SMC2: variants seen among roughly 807,000 people sequenced by gnomAD.
SMC2 encodes the protein structural maintenance of chromosomes 2, also known as structural maintenance of chromosomes protein 2.
In SMC2, 41 loss-of-function variants were observed where a neutral mutation model predicts 142.6. That is an observed-to-expected ratio of 0.29 (90% CI 0.22 to 0.37). The LOEUF is 0.37. SMC2 is among the 10% of genes least tolerant of loss of function. The probability of loss-of-function intolerance (pLI) is 1.00; values close to 1 mark genes in which losing one functional copy is unlikely to be tolerated. For synonymous variants in SMC2, 463 were observed against 457.5 expected (o/e 1.01, Z -0.15); for missense variants, 1,265 against 1,373.7 (o/e 0.92, Z 1.25).
intron 11 of SMC2, among the ~76,000 whole-genome samples, 162 bp from the exon 12 acceptor site, chr9:104,113,798 CTGTT>C (rs1468031319): frequency 3.9e-5 from 6 of 152,072 alleles, no homozygotes; most frequent in South Asian, 2.1e-4. Context: ...GAAATAATGT[CTGTT>C]TGACAGTGGA....
rs1835885499 is a variant in SMC2, at chr9:104,139,467, G to A, written c.*152G>A. 1.2e-5 allele frequency: 7 copies of A among 573,038 alleles called. No homozygotes were observed. The South Asian group carries it at 1.9e-4, about 16-fold the overall frequency. The allele number at this position is 573,038 out of a possible 1,614,324, so 35.5% of individuals were successfully genotyped here. On this transcript the variant is annotated 3_prime_UTR_variant, in exon 25 of 25. Transcript: ENST00000374793. ...ATATAATCACTTATCGCTTACAAATGAGCATATATTCCTCATCTCTTAACT... is the reference window on the plus strand; with the variant it reads ...ATATAATCACTTATCGCTTACAAATAAGCATATATTCCTCATCTCTTAACT...
intron 21 of SMC2, among the ~76,000 whole-genome samples, chr9:104,130,614 A>G (rs1001346618): frequency 6.6e-6 from 1 of 152,158 alleles, no homozygotes; most frequent in Non-Finnish European, 1.5e-5. Context: ...TTTGGCATGA[A>G]TATGCACAAA....
intron 9 of SMC2, among the ~76,000 whole-genome samples, chr9:104,110,013 T>C (rs530764079): frequency 6.6e-6 from 1 of 152,352 alleles, no homozygotes; most frequent in African/African-American, 2.4e-5. Context: ...CTGTTGCTAT[T>C]GTGGTGAGCT....
intron 13 of SMC2, among the ~76,000 whole-genome samples, chr9:104,115,509 A>G (rs984480878): frequency 4.0e-5 from 6 of 150,158 alleles, no homozygotes; most frequent in Non-Finnish European, 8.8e-5. Context: ...TGGGAAGTGG[A>G]GGTTGCGGTA....
At chr9:104,093,007 G>A (rs902730381), upstream of SMC2, 6 of 152,110 alleles carry the variant, frequency 3.9e-5, no homozygotes, top group Non-Finnish European at 7.3e-5. Flanking sequence ...AGAGCCAGAA[G>A]GTGCTATCCA....
intron 5 of SMC2, 40 bp downstream of exon 5, chr9:104,099,722 A>C: frequency 8.4e-7 from 1 of 1,191,700 alleles, no homozygotes; most frequent in South Asian, 1.3e-5. Flanking sequence ...TAGTTGGTAT[A>C]GATATTACTT....
rs201809856 is a variant in SMC2, at chr9:104,100,231, G to A, written c.591+28G>A. The stretch of plus-strand genomic sequence containing the variant: ...AATTTAATTCATATAAAATATTTTC[G>A]GAGAAGAATGTAATTTTGCATGTAG... On this transcript the variant is annotated intron_variant, in intron 6 of 24. Transcript: ENST00000374793. 9.3e-5 allele frequency: 137 copies of A among 1,471,028 alleles called. No homozygotes were observed. In the East Asian group the frequency reaches 1.3e-3, roughly 14 times the overall value. The allele number at this position is 1,471,028 out of a possible 1,614,324, so 91.1% of individuals were successfully genotyped here.
At position 104,119,885 on chromosome 9, in the gene SMC2, G is replaced by A. The variant is rs144035567; in HGVS notation, c.1997-142G>A. 891 of 789,742 alleles carry A rather than the reference G, an allele frequency of 1.1e-3. 11 individuals are homozygous for A. In the African/African-American group the frequency reaches 0.015, roughly 13 times the overall value. 48.9% of individuals were successfully genotyped at this position (789,742 alleles called of 1,614,324 possible). ...CTCTGTGTTCTAAGGTTCAGGTGAT[G>A]GAATGAATTCCATGGCTTCATAAGC... On this transcript the variant is annotated intron_variant, in intron 15 of 24. Coordinates refer to ENST00000374793, the MANE Select transcript of SMC2 (RefSeq NM_006444.3).
At position 104,109,849 on chromosome 9, in the gene SMC2, A is replaced by G. The variant is rs138097316; in HGVS notation, c.1021-1732A>G. ...ACCATAAAATATACAAAAATCTATT[A>G]TAAAAAGTTAAAATTTATCAAAACA... On this transcript the variant is annotated intron_variant, in intron 9 of 24. Transcript: ENST00000374793. 2.6e-5 allele frequency among the ~76,000 whole-genome samples: 4 copies of G among 152,344 alleles called. No homozygotes were observed. The East Asian group carries it at 7.7e-4, about 29-fold the overall frequency.
rs542508854 is a variant in SMC2, at chr9:104,100,239, A to C, written c.591+36A>C. The C allele has an allele frequency of 6.1e-6, 9 of 1,469,412 alleles. No homozygotes were observed. The East Asian group carries it at 1.6e-4, about 27-fold the overall frequency. 91.0% of individuals were successfully genotyped at this position (1,469,412 alleles called of 1,614,324 possible). ...TCATATAAAATATTTTCGGAGAAGA[A>C]TGTAATTTTGCATGTAGAGTTTTTG... is the stretch of plus-strand genomic sequence containing the variant. On this transcript the variant is annotated intron_variant, in intron 6 of 24. Coordinates refer to ENST00000374793, the MANE Select transcript of SMC2 (RefSeq NM_006444.3).
At chr9:104,124,414 A>G (rs928525901) in intron 17 of SMC2, among the ~76,000 whole-genome samples, 7 of 151,974 alleles carry the variant, frequency 4.6e-5, no homozygotes, top group African/African-American at 1.7e-4. Flanking sequence ...AGATTTGGGG[A>G]TGTTTTTCCT....
chr9:104,130,736 T>C (rs1834872195), intron 21 of SMC2, among the ~76,000 whole-genome samples: 1 of 152,178 alleles, frequency 6.6e-6, no homozygotes, highest in Admixed American at 6.5e-5. Flanking sequence ...CAATATGTGA[T>C]ATATTTGTAG....
intron 1 of SMC2, chr9:104,094,948 C>T (rs1401842094): frequency 5.9e-6 from 1 of 170,658 alleles, no homozygotes; most frequent in Non-Finnish European, 1.3e-5. Context: ...AGTAAGGTGA[C>T]ATTTGAGCAA....
At chr9:104,134,655 G>A in intron 23 of SMC2, 80 bp downstream of exon 23, 1 of 975,360 alleles carries the variant, frequency 1.0e-6, no homozygotes. Context: ...CTGTATTTGT[G>A]TTTTAACTAC....
At chr9:104,132,492 A>G (rs545445164) in intron 22 of SMC2, among the ~76,000 whole-genome samples, 1 of 152,184 alleles carries the variant, frequency 6.6e-6, no homozygotes, top group East Asian at 1.9e-4. Context: ...CTCCTATAGG[A>G]TAATTCCTTA....
chr9:104,092,349 G>C (rs1290600390), upstream of SMC2: 12 of 152,238 alleles, frequency 7.9e-5, no homozygotes, highest in Admixed American at 7.9e-4. Flanking sequence ...TGTGACGTAA[G>C]TGTATCAGCT....
intron 10 of SMC2, among the ~76,000 whole-genome samples, chr9:104,113,114 T>C (rs1269005655): frequency 2.0e-5 from 3 of 152,166 alleles, no homozygotes; most frequent in Non-Finnish European, 4.4e-5. Context: ...ATTAATCATA[T>C]ATTAGTTTAT....
rs1833363834 is a variant in SMC2, at chr9:104,118,376, G to GTAAGT, written c.1996+3_1996+7dup. 6.2e-7 allele frequency: 1 copy of GTAAGT among 1,609,796 alleles called. No homozygotes were observed. Among genetic ancestry groups the GTAAGT allele is most frequent in the East Asian group, 2.2e-5 (1 of 44,772 alleles). On this transcript the variant is annotated splice_donor_variant, in intron 15 of 24. Transcript: ENST00000374793. LOFTEE classifies it high-confidence loss of function. ...GATCCTCATGGGACATTGAGTGGAGGTAAGTTTTATATCCTTTTCTCCTCA... is the reference window on the plus strand; with the variant it reads ...GATCCTCATGGGACATTGAGTGGAGGTAAGTTAAGTTTTATATCCTTTTCTCCTCA...
Position 104,111,655 on chromosome 9 carries a change from A to G in SMC2, c.1095A>G (p.Ala365=). ...ATGGACTGCATGCCCTTCAAGAAGC[A>G]AGTAATAAAGATGCTGAAGCTCTGG... ...ITDGLHALQE[A]SNKDAEALAA... The change falls in exon 10 of 25, where the codon GCA becomes GCG. Residue 365 remains alanine, a synonymous_variant. Coordinates refer to ENST00000374793, the MANE Select transcript of SMC2 (RefSeq NM_006444.3). The G allele has an allele frequency of 6.2e-7, 1 of 1,614,130 alleles. No individual in the cohort carries two copies. Among genetic ancestry groups the G allele is most frequent in the African/African-American group, 1.3e-5 (1 of 75,060 alleles).
Sources: gnomAD v4.1 joint callset for allele counts (sites outside exome capture counted in the v4.1 genomes callset) on GRCh38, gnomAD v4.1.1 for gene constraint, MANE v1.5 for transcripts, NCBI Gene and HGNC (gene_info 2026-07-23, HGNC 2026-07-21) for gene names.